Variants in GPRC5B observed in about 807,000 individuals in gnomAD.
GPRC5B encodes the protein G protein-coupled receptor family C group 5 member B.
A neutral mutation model predicts 30.1 loss-of-function variants in GPRC5B; 16 were observed. The observed-to-expected ratio is 0.53, with a 90% confidence interval of 0.36 to 0.81. GPRC5B has a LOEUF of 0.81. Among genes scored for constraint, GPRC5B ranks in the 30% least tolerant of loss-of-function variants. The pLI, the probability that GPRC5B is intolerant of heterozygous loss-of-function variation, is 0.01. For missense variants in GPRC5B, 428 were observed against 544.7 expected, an observed-to-expected ratio of 0.79 and a Z score of 2.13; for synonymous variants, 241 against 239.5, an observed-to-expected ratio of 1.01 and a Z score of -0.06.
At chr16:19,885,082 GC>G, upstream of GPRC5B, 1 of 780,352 alleles carries the variant, frequency 1.3e-6, no homozygotes, top group Non-Finnish European at 1.9e-6. The surrounding 1 kb of genome is among the most constrained non-coding windows in gnomAD (Gnocchi z 5.3). Context: ...CCGACCTCGT[GC>G]CCCCAATTCG....
intron 2 of GPRC5B, among the ~76,000 whole-genome samples, chr16:19,863,047 C>T (rs1305038646): frequency 6.6e-6 from 1 of 152,216 alleles, no homozygotes; most frequent in African/African-American, 2.4e-5. Context: ...AGTTAAGCTT[C>T]ACAGAGCGCC....
chr16:19,865,990 C>T (rs1454856935), intron 2 of GPRC5B, among the ~76,000 whole-genome samples: 15 of 152,090 alleles, frequency 9.9e-5, no homozygotes. Context: ...AGTGCGGTGG[C>T]GTGATCTCAG....
chr16:19,867,300 C>T (rs2056675332), intron 2 of GPRC5B, among the ~76,000 whole-genome samples: 1 of 152,204 alleles, frequency 6.6e-6, no homozygotes, highest in Non-Finnish European at 1.5e-5. Flanking sequence ...TGGATTTAAA[C>T]TCTTCCTCTG....
In GPRC5B at chr16:19,872,952, G is replaced by A; in HGVS notation, c.-1-106C>T. On this transcript the variant is annotated intron_variant, in intron 1 of 3. Transcript: ENST00000300571. This position sits in a 1 kb window ranked among gnomAD's most constrained non-coding sequence, Gnocchi z 5.0. ...AGAAGACTCGCCTCATTTCAAACCT[G>A]CAAGCGCACACGGCACCTTTGCACA... The A allele has an allele frequency of 5.0e-6, 4 of 802,588 alleles. No homozygotes were observed. The highest frequency in any genetic ancestry group is 8.1e-6 in the Non-Finnish European group (4 of 495,062). The allele number at this position is 802,588 out of a possible 1,614,324, so 49.7% of individuals were successfully genotyped here.
intron 1 of GPRC5B, among the ~76,000 whole-genome samples, chr16:19,874,133 C>T (rs927556754): frequency 6.6e-6 from 1 of 152,294 alleles, no homozygotes; most frequent in African/African-American, 2.4e-5. Context: ...TCACCTCCCA[C>T]GCTCGCTCTC....
chr16:19,869,380 ATAGT>A (rs1006459991), intron 2 of GPRC5B, among the ~76,000 whole-genome samples: 4 of 151,604 alleles, frequency 2.6e-5, no homozygotes, highest in African/African-American at 4.8e-5. Flanking sequence ...TGTCTGACAC[ATAGT>A]TAGTGCTCAA....
intron 2 of GPRC5B, among the ~76,000 whole-genome samples, chr16:19,863,995 GC>G (rs1597624002): frequency 6.6e-6 from 1 of 152,136 alleles, no homozygotes; most frequent in Non-Finnish European, 1.5e-5. Context: ...TTTGGGGACA[GC>G]TGCTTTAGCC....
At chr16:19,879,225 A>G (rs1352113258) in intron 1 of GPRC5B, among the ~76,000 whole-genome samples, 1 of 151,978 alleles carries the variant, frequency 6.6e-6, no homozygotes, top group Non-Finnish European at 1.5e-5. Flanking sequence ...GGCAGGATTG[A>G]TTGGGACAGG....
At chr16:19,867,477 G>GGTTA (rs2056676692) in intron 2 of GPRC5B, among the ~76,000 whole-genome samples, 1 of 152,206 alleles carries the variant, frequency 6.6e-6, no homozygotes, top group Non-Finnish European at 1.5e-5. Flanking sequence ...CCCCAACAGA[G>GGTTA]GTTAGTTATC....
At chr16:19,883,438 C>T (rs896066189) in intron 1 of GPRC5B, among the ~76,000 whole-genome samples, 2 of 152,252 alleles carry the variant, frequency 1.3e-5, no homozygotes, top group African/African-American at 4.8e-5. Context: ...ATTCTATTTA[C>T]ATGTCATTTG....
chr16:19,883,611 T>C (rs2056824742), intron 1 of GPRC5B, among the ~76,000 whole-genome samples: 1 of 152,248 alleles, frequency 6.6e-6, no homozygotes, highest in Non-Finnish European at 1.5e-5. Context: ...TTCTGGGCTC[T>C]GTTCAGGTGC....
chr16:19,866,506 A>G (rs929622078), intron 2 of GPRC5B, among the ~76,000 whole-genome samples: 3 of 152,092 alleles, frequency 2.0e-5, no homozygotes, highest in East Asian at 1.9e-4. Context: ...GACTACAGGC[A>G]TGCACCACCA....
chr16:19,880,144 AT>A (rs1263464762), intron 1 of GPRC5B, among the ~76,000 whole-genome samples: 9 of 151,254 alleles, frequency 6.0e-5, no homozygotes, highest in Non-Finnish European at 1.3e-4. Flanking sequence ...AAATATAATA[AT>A]AATAAAATAA....
Position 19,858,212 on chromosome 16 carries a change from T to A in GPRC5B, c.*2288A>T, listed in dbSNP as rs2056587825. ...TTAGAAAAAGAACAGCTCTCTCCCT[T>A]CTCCTCTCACTCCCGCCTCCGCCCC... On this transcript the variant is annotated 3_prime_UTR_variant, in exon 4 of 4. Coordinates refer to ENST00000300571, the MANE Select transcript of GPRC5B (RefSeq NM_016235.3). 1 of 334,360 alleles carries A rather than the reference T, an allele frequency of 3.0e-6. No individual in the cohort carries two copies. Among genetic ancestry groups the A allele is most frequent in the Non-Finnish European group, 5.4e-6 (1 of 186,394 alleles). 20.7% of individuals were successfully genotyped at this position (334,360 alleles called of 1,614,324 possible).
At chr16:19,862,090 C>T in intron 2 of GPRC5B, 117 bp from the exon 3 acceptor site, 1 of 819,582 alleles carries the variant, frequency 1.2e-6, no homozygotes. Flanking sequence ...CCAGTGGCTC[C>T]TCCCCTTTGT....
At position 19,858,484 on chromosome 16, in the gene GPRC5B, T is replaced by C. The variant is rs1305714597; in HGVS notation, c.*2016A>G. 1 of 690,518 alleles carries C rather than the reference T, an allele frequency of 1.4e-6. No individual in the cohort carries two copies. The highest frequency in any genetic ancestry group is 2.6e-6 in the Non-Finnish European group (1 of 379,370). The allele number at this position is 690,518 out of a possible 1,614,324, so 42.8% of individuals were successfully genotyped here. On this transcript the variant is annotated 3_prime_UTR_variant, in exon 4 of 4. Coordinates refer to ENST00000300571, the MANE Select transcript of GPRC5B (RefSeq NM_016235.3). ...GAAAACGAACGTGTGAATTGCTCCATCGTGTGAATGGTATCAGAAAGCTCC... is the reference window on the plus strand; with the variant it reads ...GAAAACGAACGTGTGAATTGCTCCACCGTGTGAATGGTATCAGAAAGCTCC...
chr16:19,864,595 A>T (rs1423889608), intron 2 of GPRC5B, among the ~76,000 whole-genome samples: 2 of 152,230 alleles, frequency 1.3e-5, no homozygotes, highest in African/African-American at 4.8e-5. Flanking sequence ...CCACCGCATG[A>T]GCATGTCAAG....
chr16:19,861,756 G>T, intron 3 of GPRC5B, 81 bp downstream of exon 3: 1 of 1,199,678 alleles, frequency 8.3e-7, no homozygotes, highest in South Asian at 1.3e-5. Flanking sequence ...CCTCCATGGA[G>T]GAGTATGTCC....
At chr16:19,862,613 C>CA (rs1018781675) in intron 2 of GPRC5B, among the ~76,000 whole-genome samples, 75 of 150,220 alleles carry the variant, frequency 5.0e-4, no homozygotes, top group Non-Finnish European at 8.7e-4. Context: ...ATCTAACAAA[C>CA]AAAAAAAAAG....
Sources: allele counts gnomAD v4.1 joint callset (sites outside exome capture counted in the v4.1 genomes callset), GRCh38; gene constraint gnomAD v4.1.1; non-coding constraint Gnocchi (gnomAD v3.1); transcripts MANE v1.5; gene names NCBI Gene and HGNC (gene_info 2026-07-23, HGNC 2026-07-21).